OXCT1: variants seen among roughly 807,000 people sequenced by gnomAD.
The protein encoded by OXCT1 is 3-oxoacid CoA-transferase 1.
OXCT1 carries 27 observed loss-of-function variants against 69.6 expected under a neutral mutation model. That is an observed-to-expected ratio of 0.39 (90% CI 0.29 to 0.54). The LOEUF is 0.54. Ranked by LOEUF, OXCT1 falls within the 20% of genes least tolerant of loss-of-function variation. The pLI, the probability that OXCT1 is intolerant of heterozygous loss-of-function variation, is 0.72. For missense variants in OXCT1, 437 were observed against 650.2 expected, an observed-to-expected ratio of 0.67 and a Z score of 3.57; for synonymous variants, 202 against 217.8, an observed-to-expected ratio of 0.93 and a Z score of 0.64.
intron 14 of OXCT1, among the ~76,000 whole-genome samples, chr5:41,760,824 C>T (rs1744311013): frequency 6.6e-6 from 1 of 152,088 alleles, no homozygotes; most frequent in African/African-American, 2.4e-5. Flanking sequence ...CACTGCTCAC[C>T]TCCCACTGTT....
At chr5:41,769,037 C>A (rs1744752495) in intron 13 of OXCT1, among the ~76,000 whole-genome samples, 1 of 152,128 alleles carries the variant, frequency 6.6e-6, no homozygotes, top group South Asian at 2.1e-4. Flanking sequence ...CCGGCTTATT[C>A]TTTATGTATC....
intron 11 of OXCT1, among the ~76,000 whole-genome samples, chr5:41,797,912 C>T (rs1360366808): frequency 1.3e-5 from 2 of 152,124 alleles, no homozygotes; most frequent in Non-Finnish European, 2.9e-5. Context: ...ACTTACTATA[C>T]AGCAAGACAG....
intron 7 of OXCT1, among the ~76,000 whole-genome samples, chr5:41,813,041 C>T (rs1747063378): frequency 6.6e-6 from 1 of 151,974 alleles, no homozygotes; most frequent in African/African-American, 2.4e-5. Flanking sequence ...CTAAGTCTTC[C>T]ACCCAATTAA....
chr5:41,732,594 G>T (rs999790398), intron 16 of OXCT1, among the ~76,000 whole-genome samples: 1 of 152,120 alleles, frequency 6.6e-6, no homozygotes, highest in Admixed American at 6.5e-5. Flanking sequence ...AGTCCCCATG[G>T]GAAGCAGGAA....
At chr5:41,853,793 T>C in intron 3 of OXCT1, 1 of 581,408 alleles carries the variant, frequency 1.7e-6, no homozygotes, top group Non-Finnish European at 3.1e-6. Context: ...GAGCGGGGCA[T>C]GCACAGGGCA....
At chr5:41,859,392 C>A (rs1749612893) in intron 3 of OXCT1, among the ~76,000 whole-genome samples, 1 of 152,024 alleles carries the variant, frequency 6.6e-6, no homozygotes, top group African/African-American at 2.4e-5. Flanking sequence ...TCTCAAACTG[C>A]AAAAGTTATA....
intron 13 of OXCT1, among the ~76,000 whole-genome samples, chr5:41,778,113 T>C (rs975746749): frequency 3.3e-5 from 5 of 152,224 alleles, no homozygotes; most frequent in Admixed American, 6.5e-5. Context: ...ACTTTAATTA[T>C]GCACAAATGT....
intron 9 of OXCT1, among the ~76,000 whole-genome samples, chr5:41,803,383 A>T (rs1746513043): frequency 6.6e-6 from 1 of 152,110 alleles, no homozygotes; most frequent in Non-Finnish European, 1.5e-5. Flanking sequence ...TTAATATCAA[A>T]GTAGTGGCCT....
intron 7 of OXCT1, among the ~76,000 whole-genome samples, chr5:41,835,460 C>T (rs1748305934): frequency 6.6e-6 from 1 of 152,162 alleles, no homozygotes; most frequent in African/African-American, 2.4e-5. Context: ...AAATAATTTT[C>T]TATATGTCCA....
intron 13 of OXCT1, among the ~76,000 whole-genome samples, chr5:41,789,461 A>C (rs1407145579): frequency 5.3e-5 from 8 of 152,220 alleles, no homozygotes; most frequent in African/African-American, 1.9e-4. Flanking sequence ...CCAGATCAAT[A>C]CATGTTGAAT....
intron 13 of OXCT1, among the ~76,000 whole-genome samples, chr5:41,788,370 T>C (rs1048155501): frequency 6.6e-6 from 1 of 152,150 alleles, no homozygotes; most frequent in Admixed American, 6.6e-5. Context: ...ACCATATTGA[T>C]GACTACATTA....
At chr5:41,868,541 G>A (rs1428720799) in intron 1 of OXCT1, among the ~76,000 whole-genome samples, 1 of 152,244 alleles carries the variant, frequency 6.6e-6, no homozygotes, top group East Asian at 1.9e-4. Flanking sequence ...AGCTAAAACG[G>A]TGAAACCCCG....
chr5:41,786,106 G>A lies in OXCT1; in HGVS notation c.1248+7897C>T, dbSNP rs569999080. On this transcript the variant is annotated intron_variant, in intron 13 of 16. Coordinates refer to ENST00000196371, the MANE Select transcript of OXCT1 (RefSeq NM_000436.4). ...ATAGCCCAGGAAGAGGGACTCCACC[G>A]GTAAGAGTCTATATGTTAAGTGGAC... 5.4e-4 allele frequency among the ~76,000 whole-genome samples: 82 copies of A among 152,260 alleles called. 1 individual carries two copies. The South Asian group carries it at 5.4e-3, about 10-fold the overall frequency.
chr5:41,777,244 C>T lies in OXCT1; in HGVS notation c.1249-15044G>A, dbSNP rs183703496. Among the ~76,000 whole-genome samples the T allele has an allele frequency of 6.6e-5, 10 of 152,152 alleles. No individual in the cohort carries two copies. The East Asian group carries it at 1.4e-3, about 21-fold the overall frequency. On this transcript the variant is annotated intron_variant, in intron 13 of 16. Coordinates refer to ENST00000196371, the MANE Select transcript of OXCT1 (RefSeq NM_000436.4). ...CAGCCTGACCAACATGGTCAAACCC[C>T]GTCCCTACTAAAAATACAATTATTA...
chr5:41,743,612 G>C, intron 15 of OXCT1, among the ~76,000 whole-genome samples: 1 of 152,114 alleles, frequency 6.6e-6, no homozygotes, highest in East Asian at 1.9e-4. Context: ...TATGGTTTTA[G>C]GTCTAACATT....
intron 13 of OXCT1, among the ~76,000 whole-genome samples, chr5:41,781,752 G>C (rs1239461088): frequency 6.6e-6 from 1 of 152,164 alleles, no homozygotes; most frequent in African/African-American, 2.4e-5. Context: ...AATGGCTTCT[G>C]ACTCAATCCA....
chr5:41,851,733 A>T (rs1022903855), intron 4 of OXCT1, among the ~76,000 whole-genome samples: 3 of 152,198 alleles, frequency 2.0e-5, no homozygotes, highest in Admixed American at 2.0e-4. Context: ...AAAATGATAT[A>T]TTAATGATGT....
At chr5:41,739,870 C>CA (rs770217745) in intron 15 of OXCT1, 3,505 of 80,184 alleles carry the variant, frequency 0.044, 113 homozygotes, top group African/African-American at 0.11. Flanking sequence ...GACTCTGTCT[C>CA]AAAAAAAAAA....
chr5:41,866,022 A>ACCCCCCCC (rs61504704), intron 1 of OXCT1, among the ~76,000 whole-genome samples: 12 of 116,288 alleles, frequency 1.0e-4, no homozygotes, highest in Admixed American at 1.8e-4. Flanking sequence ...TGTACAGTAG[A>ACCCCCCCC]CCCCCCCCCC....
Sources: gnomAD v4.1 joint callset for allele counts (sites outside exome capture counted in the v4.1 genomes callset) on GRCh38, gnomAD v4.1.1 for gene constraint, MANE v1.5 for transcripts, NCBI Gene and HGNC (gene_info 2026-07-23, HGNC 2026-07-21) for gene names.